The following BANP variants were observed in gnomAD, a reference collection of about 807,000 sequenced individuals.
BANP encodes the protein protein BANP.
In BANP, 11 loss-of-function variants were observed where a neutral mutation model predicts 68.1. The ratio of observed to expected loss-of-function variants is 0.16; its 90% CI spans 0.10 to 0.27. The LOEUF is 0.27. BANP is among the 10% of genes least tolerant of loss of function. The probability of loss-of-function intolerance (pLI) is 1.00; values close to 1 mark genes in which losing one functional copy is unlikely to be tolerated. For missense variants in BANP, 504 were observed against 722.7 expected (o/e 0.70, Z 3.47); for synonymous variants, 329 against 303.2 (o/e 1.09, Z -0.88).
At chr16:87,949,316 C>G (rs935296611), upstream of BANP, 1 of 152,156 alleles carries the variant, frequency 6.6e-6, no homozygotes, top group Non-Finnish European at 1.5e-5. Flanking sequence ...GATATTCCGG[C>G]GTGGATGCTA....
intron 8 of BANP, among the ~76,000 whole-genome samples, chr16:88,031,871 C>T (rs1224150423): frequency 6.7e-6 from 1 of 148,332 alleles, no homozygotes; most frequent in African/African-American, 2.5e-5. Flanking sequence ...ATGGTGCCAT[C>T]TCAGCTCACT....
intron 6 of BANP, among the ~76,000 whole-genome samples, chr16:88,013,016 A>AGTGCCTTCCATTTC (rs2073579673): frequency 6.6e-6 from 1 of 152,238 alleles, no homozygotes; most frequent in Non-Finnish European, 1.5e-5. Flanking sequence ...GATATGAGAC[A>AGTGCCTTCCATTTC]GTGCCTTCCA....
chr16:88,035,803 A>G (rs2079198977), intron 10 of BANP, among the ~76,000 whole-genome samples: 1 of 152,190 alleles, frequency 6.6e-6, no homozygotes, highest in Non-Finnish European at 1.5e-5. Context: ...CCAGCTTCCT[A>G]GTGGCCTCTA....
chr16:87,974,083 G>A (rs1255495118), intron 1 of BANP, among the ~76,000 whole-genome samples: 2 of 152,216 alleles, frequency 1.3e-5, no homozygotes, highest in African/African-American at 2.4e-5. Flanking sequence ...CTCAGGAAGT[G>A]TGTAGTGTAG....
chr16:88,067,447 C>T (rs2088999067), intron 12 of BANP, among the ~76,000 whole-genome samples: 2 of 152,158 alleles, frequency 1.3e-5, no homozygotes, highest in Admixed American at 6.5e-5. Flanking sequence ...CTGCTGCGTG[C>T]CCCCGCCCTG....
chr16:88,018,703 C>G lies in BANP; in HGVS notation c.895+36C>G. Reference sequence around the variant, plus strand: ...CCCCGCCTTGGGGGACTGGGGTGTGCGGGGAGCTGGGTCAGGACCCACATT... The same window carrying G: ...CCCCGCCTTGGGGGACTGGGGTGTGGGGGGAGCTGGGTCAGGACCCACATT... On this transcript the variant is annotated intron_variant, in intron 7 of 13. Coordinates refer to ENST00000682872, the MANE Select transcript of BANP (RefSeq NM_001386991.1). This position sits in a 1 kb window ranked among gnomAD's most constrained non-coding sequence, Gnocchi z 7.7. The G allele has an allele frequency of 6.5e-7, 1 of 1,539,230 alleles. No homozygotes were observed. Among genetic ancestry groups the G allele is most frequent in the Non-Finnish European group, 8.8e-7 (1 of 1,139,008 alleles).
chr16:87,984,832 G>A (rs774470953), intron 4 of BANP, among the ~76,000 whole-genome samples: 1 of 152,210 alleles, frequency 6.6e-6, no homozygotes, highest in Non-Finnish European at 1.5e-5. Flanking sequence ...CCGACAGCTC[G>A]TGCTGAAGCG....
chr16:87,979,651 G>A (rs1484360115), intron 2 of BANP, among the ~76,000 whole-genome samples: 1 of 152,162 alleles, frequency 6.6e-6, no homozygotes, highest in Non-Finnish European at 1.5e-5. Context: ...GGTGTGCCAA[G>A]GTGTGCATGT....
At chr16:88,028,845 A>G (rs2077517350) in intron 8 of BANP, among the ~76,000 whole-genome samples, 1 of 152,222 alleles carries the variant, frequency 6.6e-6, no homozygotes, top group Non-Finnish European at 1.5e-5. Context: ...TTTTATTGCA[A>G]ATATATAGGT....
chr16:87,980,778 G>A, intron 2 of BANP: 2 of 457,776 alleles, frequency 4.4e-6, no homozygotes, highest in Non-Finnish European at 7.9e-6. Context: ...GGAGTCAGAA[G>A]TCAGAAGCTT....
chr16:88,033,347 C>T, intron 9 of BANP, 102 bp downstream of exon 9: 1 of 1,242,380 alleles, frequency 8.0e-7, no homozygotes, highest in Non-Finnish European at 1.1e-6. Context: ...TTTGGGAGCA[C>T]AGTGATAGCT....
At chr16:88,005,986 C>G in intron 5 of BANP, 104 bp from the exon 6 acceptor site, 1 of 1,352,672 alleles carries the variant, frequency 7.4e-7, no homozygotes, top group South Asian at 1.2e-5. Context: ...GTGTGATCCA[C>G]TGGTCCACAC....
chr16:88,059,786 A>AT (rs1173864322), intron 11 of BANP, among the ~76,000 whole-genome samples: 1 of 152,154 alleles, frequency 6.6e-6, no homozygotes, highest in African/African-American at 2.4e-5. Flanking sequence ...GACACATGCC[A>AT]TGCCCCCTCC....
chr16:88,050,922 A>C (rs938125798), intron 11 of BANP, among the ~76,000 whole-genome samples: 2 of 152,172 alleles, frequency 1.3e-5, no homozygotes, highest in Non-Finnish European at 2.9e-5. Flanking sequence ...CCTGCGCTCA[A>C]GCGATCCGCC....
intron 1 of BANP, among the ~76,000 whole-genome samples, chr16:87,955,437 CT>C (rs1244105769): frequency 6.6e-6 from 1 of 152,222 alleles, no homozygotes. Flanking sequence ...TCCCTGTTGT[CT>C]TCATCTGCTT....
At chr16:87,967,293 G>A (rs1380745689) in intron 1 of BANP, among the ~76,000 whole-genome samples, 1 of 129,558 alleles carries the variant, frequency 7.7e-6, no homozygotes. Flanking sequence ...ATTTTTAGTA[G>A]AGACGGGGTT....
chr16:87,997,552 G>A (rs1798940614), intron 4 of BANP, among the ~76,000 whole-genome samples: 2 of 152,046 alleles, frequency 1.3e-5, no homozygotes, highest in Admixed American at 1.3e-4. Flanking sequence ...AAATAGCCAG[G>A]ATGGCTGGGA....
At chr16:88,050,115 G>A (rs917574841) in intron 11 of BANP, among the ~76,000 whole-genome samples, 6 of 152,200 alleles carry the variant, frequency 3.9e-5, no homozygotes, top group Non-Finnish European at 7.3e-5. Flanking sequence ...AAGATTAACA[G>A]GGATAGATCC....
At chr16:88,019,001 C>T (rs2152668370) in intron 7 of BANP, among the ~76,000 whole-genome samples, 1 of 149,116 alleles carries the variant, frequency 6.7e-6, no homozygotes, top group East Asian at 2.0e-4. Context: ...CGGGGCCTTC[C>T]CTGCTGTCCT....
Sources: allele counts gnomAD v4.1 joint callset (sites outside exome capture counted in the v4.1 genomes callset), GRCh38; gene constraint gnomAD v4.1.1; non-coding constraint Gnocchi (gnomAD v3.1); transcripts MANE v1.5; gene names NCBI Gene and HGNC (gene_info 2026-07-23, HGNC 2026-07-21).